The following CNOT10 variants were observed in gnomAD, a reference collection of about 807,000 sequenced individuals.
The protein encoded by CNOT10 is CCR4-NOT transcription complex subunit 10.
In CNOT10, 30 loss-of-function variants were observed where a neutral mutation model predicts 94.6. The observed-to-expected ratio is 0.32, with a 90% CI of 0.24 to 0.43. The LOEUF is 0.43. CNOT10 is among the 20% of genes least tolerant of loss of function. The pLI is 1.00. For synonymous variants in CNOT10, 289 were observed against 301.6 expected (o/e 0.96, Z 0.43); for missense variants, 759 against 877.2 (o/e 0.87, Z 1.70).
intron 17 of CNOT10, chr3:32,765,046 CCAGGCA>C: frequency 7.4e-7 from 1 of 1,357,280 alleles, no homozygotes; most frequent in Non-Finnish European, 9.7e-7. Context: ...TTTTTTTTTG[CCAGGCA>C]CAGTGGCTCA....
chr3:32,704,004 C>G (rs1354208279), intron 2 of CNOT10, 42 bp downstream of exon 2: 1 of 1,243,374 alleles, frequency 8.0e-7, no homozygotes, highest in African/African-American at 1.5e-5. Context: ...TTGTAGGGTT[C>G]TGTCAAGTAT....
chr3:32,695,506 A>G (rs1014799365), intron 1 of CNOT10: 65 of 1,426,326 alleles, frequency 4.6e-5, no homozygotes, highest in Non-Finnish European at 5.1e-5. Flanking sequence ...GATTTGAATG[A>G]TTAACATTCT....
intron 12 of CNOT10, among the ~76,000 whole-genome samples, chr3:32,737,000 T>C (rs898643242): frequency 6.6e-6 from 1 of 152,142 alleles, no homozygotes; most frequent in Non-Finnish European, 1.5e-5. Flanking sequence ...TTTAACTCTT[T>C]TACACTTTTG....
chr3:32,734,734 C>A, intron 11 of CNOT10, 66 bp from the exon 12 acceptor site: 1 of 1,268,678 alleles, frequency 7.9e-7, no homozygotes, highest in Non-Finnish European at 1.1e-6. Flanking sequence ...TTTTATTCCT[C>A]ATAATAAAAG....
rs1553627000 is a variant in CNOT10 at position 32,687,448 on chromosome 3, T to TTTG, written c.22+1968_22+1969insGTT. Among the ~76,000 whole-genome samples the TTTG allele has an allele frequency of 1.6e-4, 12 of 75,130 alleles. No homozygotes were observed. The East Asian group carries it at 3.6e-3, about 22-fold the overall frequency. The allele number at this position is 75,130 out of a possible 152,430, so 49.3% of individuals were successfully genotyped here. The stretch of plus-strand genomic sequence containing the variant: ...CTTTTAAGTCCTCACGGTTTTTTTT[T>TTTG]TTTGTTTTTTTTTTTTTTTTTGAGA... On this transcript the variant is annotated intron_variant, in intron 1 of 18. Coordinates refer to ENST00000328834, the MANE Select transcript of CNOT10 (RefSeq NM_015442.3).
At chr3:32,706,297 G>A (rs1697620488) in intron 3 of CNOT10, among the ~76,000 whole-genome samples, 1 of 152,124 alleles carries the variant, frequency 6.6e-6, no homozygotes, top group Non-Finnish European at 1.5e-5. Flanking sequence ...AGACAAATTT[G>A]TTTGGTTTTT....
intron 15 of CNOT10, among the ~76,000 whole-genome samples, chr3:32,763,773 A>G (rs778151277): frequency 3.3e-4 from 50 of 152,202 alleles, no homozygotes; most frequent in Admixed American, 6.6e-5. Flanking sequence ...TCTCCACTAC[A>G]TGAAAAGTAA....
chr3:32,706,718 A>G (rs181623240), intron 3 of CNOT10, among the ~76,000 whole-genome samples: 30 of 152,348 alleles, frequency 2.0e-4, no homozygotes, highest in African/African-American at 6.5e-4. Context: ...TTTTCTGGCT[A>G]AACTCTTCTT....
At chr3:32,768,285 A>G (rs1700734661) in intron 17 of CNOT10, among the ~76,000 whole-genome samples, 1 of 152,164 alleles carries the variant, frequency 6.6e-6, no homozygotes, top group Non-Finnish European at 1.5e-5. Flanking sequence ...CAGAGATTTT[A>G]CTATCCACAA....
intron 17 of CNOT10, among the ~76,000 whole-genome samples, chr3:32,767,957 C>G (rs1470496463): frequency 1.3e-5 from 2 of 151,978 alleles, no homozygotes; most frequent in Admixed American, 1.3e-4. Flanking sequence ...TGGGGTCAGG[C>G]CTGGTTTGGG....
chr3:32,752,861 G>T, intron 13 of CNOT10: 1 of 282,764 alleles, frequency 3.5e-6, no homozygotes, highest in South Asian at 3.9e-5. Context: ...TGGCGGAGGT[G>T]GTAACTACGA....
intron 13 of CNOT10, among the ~76,000 whole-genome samples, chr3:32,741,984 TTTTA>T (rs1314158362): frequency 6.9e-6 from 1 of 145,252 alleles, no homozygotes; most frequent in African/African-American, 2.5e-5. Context: ...TTTTATTTTA[TTTTA>T]TTTTTTTGCC....
rs1244219058 is a variant in CNOT10 at position 32,764,658 on chromosome 3, A to T, written c.1877-24A>T. ...TTGCTGTTGGCACGGCCTCTTCACC[A>T]GTGTCTACACTCTTTTTCCCCAGCT... On this transcript the variant is annotated intron_variant, in intron 16 of 18. Coordinates refer to ENST00000328834, the MANE Select transcript of CNOT10 (RefSeq NM_015442.3). 3.7e-6 allele frequency: 6 copies of T among 1,611,838 alleles called. No homozygotes were observed. The African/African-American group carries it at 8.0e-5, about 22-fold the overall frequency.
chr3:32,688,927 C>T (rs7632183), intron 1 of CNOT10, among the ~76,000 whole-genome samples: 7,619 of 152,060 alleles, frequency 0.05, 424 homozygotes, highest in African/African-American at 0.13. Flanking sequence ...AATAAAAGGC[C>T]GGACGTGGTG....
intron 13 of CNOT10, among the ~76,000 whole-genome samples, chr3:32,749,836 C>T (rs977014421): frequency 2.0e-5 from 3 of 152,036 alleles, no homozygotes; most frequent in Non-Finnish European, 2.9e-5. Flanking sequence ...CACACATCAC[C>T]ACTAAAGAAC....
chr3:32,714,851 T>TC (rs906580822), intron 5 of CNOT10, among the ~76,000 whole-genome samples: 1 of 152,182 alleles, frequency 6.6e-6, no homozygotes, highest in Non-Finnish European at 1.5e-5. Context: ...CCTTCTTACT[T>TC]CCGTTTTCTG....
chr3:32,704,765 G>A, intron 2 of CNOT10, 46 bp from the exon 3 acceptor site: 1 of 1,524,634 alleles, frequency 6.6e-7, no homozygotes, highest in Non-Finnish European at 8.7e-7. Context: ...TGTATTTAAA[G>A]CTGGTATGTA....
At chr3:32,713,390 A>G (rs375124764) in intron 5 of CNOT10, 21 bp downstream of exon 5, 148 of 1,554,512 alleles carry the variant, frequency 9.5e-5, no homozygotes, top group Non-Finnish European at 1.3e-4. Flanking sequence ...AGAGGTGATC[A>G]GACTAAAATC....
intron 1 of CNOT10, among the ~76,000 whole-genome samples, chr3:32,693,754 C>G (rs1696943573): frequency 6.6e-6 from 1 of 152,002 alleles, no homozygotes; most frequent in Non-Finnish European, 1.5e-5. Flanking sequence ...GTTGCCCAGG[C>G]TAGTCTTGAA....
Sources: allele counts gnomAD v4.1 joint callset (sites outside exome capture counted in the v4.1 genomes callset), GRCh38; gene constraint gnomAD v4.1.1; transcripts MANE v1.5; gene names NCBI Gene and HGNC (gene_info 2026-07-23, HGNC 2026-07-21).